The following CADM1 variants were observed in gnomAD, a reference collection of about 807,000 sequenced individuals.
The protein encoded by CADM1 is cell adhesion molecule 1.
In CADM1, 15 loss-of-function variants were observed where a neutral mutation model predicts 53.1. The ratio of observed to expected loss-of-function variants is 0.28; its 90% CI spans 0.19 to 0.44. The LOEUF (loss-of-function observed/expected upper bound fraction) is 0.44, where lower values mean the gene tolerates loss of function less well. CADM1 is among the 20% of genes least tolerant of loss of function. CADM1 has a pLI of 1.00. For synonymous variants in CADM1, 281 were observed against 243.0 expected (o/e 1.16, Z -1.45); for missense variants, 434 against 611.3 (o/e 0.71, Z 3.06).
At position 115,238,578 on chromosome 11, in the gene CADM1, T is replaced by C; in HGVS notation, c.346A>G (p.Ile116Val). The C allele has an allele frequency of 6.2e-7, 1 of 1,613,894 alleles. No homozygotes were observed. Among genetic ancestry groups the C allele is most frequent in the Non-Finnish European group, 8.5e-7 (1 of 1,179,874 alleles). ...ELKVSLTNVSISDEGRYFCQL... is the reference protein window; with the variant it reads ...ELKVSLTNVSVSDEGRYFCQL... ...CAAAAGTATCTTCCTTCATCAGAAATTGAGACGTTTGTCAATGATACTTTG... is the reference window on the plus strand; with the variant it reads ...CAAAAGTATCTTCCTTCATCAGAAACTGAGACGTTTGTCAATGATACTTTG... Residue 116 changes from isoleucine (I) to valine (V), a missense_variant, in exon 3 of 12, where the codon ATT becomes GTT. Ile to Val is a conservative substitution (Grantham distance 29). This residue lies in a region of CADM1 where 311 missense variants were observed against 435.1 expected (regional missense o/e 0.71). Coordinates refer to ENST00000331581, the MANE Select transcript of CADM1 (RefSeq NM_001301043.2).
chr11:115,204,257 C>T (rs1940573674), intron 8 of CADM1, among the ~76,000 whole-genome samples: 1 of 152,154 alleles, frequency 6.6e-6, no homozygotes, highest in South Asian at 2.1e-4. Flanking sequence ...GCCATCCTTT[C>T]TTATCCACAT....
rs901198864 is a variant in CADM1, at chr11:115,486,865, C to T, written c.124+17406G>A. On this transcript the variant is annotated intron_variant, in intron 1 of 11. Coordinates refer to ENST00000331581, the MANE Select transcript of CADM1 (RefSeq NM_001301043.2). ...TTGTTTAAATGGAAAGCCTTCTAGG[C>T]ATCCCCACTCCAGGCTAGCTCCCTC... Among the ~76,000 whole-genome samples, 5 of 136,508 alleles carry T rather than the reference C, an allele frequency of 3.7e-5. No homozygotes were observed. In the Admixed American group the frequency reaches 4.1e-4, roughly 11 times the overall value. The allele number at this position is 136,508 out of a possible 152,430, so 89.6% of individuals were successfully genotyped here.
chr11:115,375,464 A>T (rs997961325), intron 1 of CADM1, among the ~76,000 whole-genome samples: 1 of 152,206 alleles, frequency 6.6e-6, no homozygotes. Context: ...ACTGAGCTGC[A>T]CATTTACACT....
chr11:115,492,946 C>G (rs1326166031), intron 1 of CADM1, among the ~76,000 whole-genome samples: 1 of 151,600 alleles, frequency 6.6e-6, no homozygotes, highest in African/African-American at 2.4e-5. Context: ...CACACACACA[C>G]ACACACACAC....
At chr11:115,363,348 C>T (rs1565387595) in intron 1 of CADM1, among the ~76,000 whole-genome samples, 1 of 152,170 alleles carries the variant, frequency 6.6e-6, no homozygotes, top group Non-Finnish European at 1.5e-5. Context: ...CTGCATCATT[C>T]AACTTGTGGA....
intron 1 of CADM1, among the ~76,000 whole-genome samples, chr11:115,266,610 C>T (rs1943147795): frequency 1.3e-5 from 2 of 152,218 alleles, no homozygotes; most frequent in South Asian, 2.1e-4. Flanking sequence ...TCTTCTACTA[C>T]TTAATTTATA....
At chr11:115,236,155 C>T (rs923110396) in intron 3 of CADM1, among the ~76,000 whole-genome samples, 1 of 152,310 alleles carries the variant, frequency 6.6e-6, no homozygotes, top group East Asian at 1.9e-4. Flanking sequence ...CATCTTCAAC[C>T]TATCAAGAAG....
chr11:115,277,924 C>CT (rs1943486878), intron 1 of CADM1, among the ~76,000 whole-genome samples: 1 of 152,120 alleles, frequency 6.6e-6, no homozygotes, highest in Non-Finnish European at 1.5e-5. Flanking sequence ...TGCCAATGTA[C>CT]TTAATACAAG....
At chr11:115,362,611 T>G (rs1028090652) in intron 1 of CADM1, among the ~76,000 whole-genome samples, 12 of 151,808 alleles carry the variant, frequency 7.9e-5, no homozygotes, top group Non-Finnish European at 1.8e-4. Context: ...ATTAGAGAGG[T>G]TTTTTTTAGT....
intron 1 of CADM1, among the ~76,000 whole-genome samples, chr11:115,278,223 A>C (rs1339699362): frequency 6.6e-6 from 1 of 152,198 alleles, no homozygotes; most frequent in East Asian, 1.9e-4. Context: ...ATGAGAAAAA[A>C]ATATGTAAAC....
At chr11:115,290,296 T>A (rs1292944856) in intron 1 of CADM1, among the ~76,000 whole-genome samples, 3 of 152,170 alleles carry the variant, frequency 2.0e-5, no homozygotes, top group Admixed American at 2.0e-4. Context: ...CTGGGTTAGT[T>A]TTTTTTAAAA....
At chr11:115,400,544 C>CAT (rs1307235764) in intron 1 of CADM1, among the ~76,000 whole-genome samples, 2 of 139,626 alleles carry the variant, frequency 1.4e-5, no homozygotes, top group Non-Finnish European at 3.1e-5. Flanking sequence ...ATCAGACCTA[C>CAT]ATATATATAT....
chr11:115,461,134 T>C (rs894112335), intron 1 of CADM1, among the ~76,000 whole-genome samples: 3 of 149,022 alleles, frequency 2.0e-5, no homozygotes, highest in Non-Finnish European at 3.0e-5. Flanking sequence ...CACACACACA[T>C]ACTTGTATTA....
intron 1 of CADM1, among the ~76,000 whole-genome samples, chr11:115,291,108 G>C (rs1370331006): frequency 6.6e-6 from 1 of 152,182 alleles, no homozygotes; most frequent in African/African-American, 2.4e-5. Context: ...AGGAGGCTCT[G>C]TGGAGTGGCG....
intron 1 of CADM1, among the ~76,000 whole-genome samples, chr11:115,257,253 C>T (rs948961370): frequency 6.6e-6 from 1 of 152,072 alleles, no homozygotes; most frequent in African/African-American, 2.4e-5. Context: ...TGACTGCCAG[C>T]ACCAGGGACT....
At chr11:115,227,123 A>C (rs1375685435) in intron 5 of CADM1, among the ~76,000 whole-genome samples, 1 of 152,236 alleles carries the variant, frequency 6.6e-6, no homozygotes, top group South Asian at 2.1e-4. Context: ...TCTCCCACAA[A>C]AAGGTGCCAT....
At chr11:115,197,029 T>C (rs188216060) in intron 9 of CADM1, among the ~76,000 whole-genome samples, 1 of 152,286 alleles carries the variant, frequency 6.6e-6, no homozygotes, top group Admixed American at 6.5e-5. Flanking sequence ...CTTTAAGTTA[T>C]TTTATGAACT....
chr11:115,208,472 A>G (rs991534080), intron 8 of CADM1, among the ~76,000 whole-genome samples: 1 of 152,158 alleles, frequency 6.6e-6, no homozygotes, highest in African/African-American at 2.4e-5. Context: ...CAGCAATGAT[A>G]TCTAGGGTGT....
chr11:115,439,928 T>A (rs1948272137), intron 1 of CADM1, among the ~76,000 whole-genome samples: 1 of 152,246 alleles, frequency 6.6e-6, no homozygotes, highest in Non-Finnish European at 1.5e-5. Context: ...AATTTCTTTT[T>A]AAAATCTGTT....
Sources: gnomAD v4.1 joint callset for allele counts (sites outside exome capture counted in the v4.1 genomes callset) on GRCh38, gnomAD v4.1.1 for gene constraint, gnomAD v4.1.1 regional missense constraint, MANE v1.5 for transcripts, NCBI Gene and HGNC (gene_info 2026-07-23, HGNC 2026-07-21) for gene names.